Variants in NBEAL1 observed in about 807,000 individuals in gnomAD.
NBEAL1 encodes neurobeachin like 1.
In NBEAL1, 273 loss-of-function variants were observed where a neutral mutation model predicts 351.3. The observed-to-expected ratio is 0.78, with a 90% CI of 0.70 to 0.86. The LOEUF (loss-of-function observed/expected upper bound fraction) is 0.86. Among genes scored for constraint, NBEAL1 ranks in the 40% least tolerant of loss-of-function variants. The probability of loss-of-function intolerance (pLI) is 0.00; values close to 1 mark genes in which losing one functional copy is unlikely to be tolerated. For synonymous variants in NBEAL1, 1,050 were observed against 1,086.4 expected (o/e 0.97, Z 0.66); for missense variants, 2,961 against 3,201.3 (o/e 0.92, Z 1.81).
In NBEAL1 at chr2:203,014,927, G is replaced by A. The variant is rs1025598006; in HGVS notation, c.-285G>A. 6.6e-6 allele frequency: 1 copy of A among 152,390 alleles called. No individual in the cohort carries two copies. Among genetic ancestry groups the A allele is most frequent in the Non-Finnish European group, 1.5e-5 (1 of 68,108 alleles). 9.4% of individuals were successfully genotyped at this position (152,390 alleles called of 1,614,324 possible). ...GACACGGGGCTTCGCCTTGGGAAGG[G>A]GTCGAGGGAAGCAGTTAGACGGCTG... On this transcript the variant is annotated 5_prime_UTR_variant, in exon 1 of 56. Coordinates refer to ENST00000683969, the MANE Select transcript of NBEAL1 (RefSeq NM_001378026.1).
In NBEAL1 at chr2:203,144,759, C is replaced by T; in HGVS notation, c.5008C>T (p.Arg1670Cys). 4 of 1,614,142 alleles carry T rather than the reference C, an allele frequency of 2.5e-6. No homozygotes were observed. In the South Asian group the frequency reaches 3.3e-5, roughly 13 times the overall value. The change falls in exon 32 of 56, where the codon CGT becomes TGT. Residue 1670 changes from arginine (R) to cysteine (C), a missense_variant. Arg to Cys is a radical substitution (Grantham distance 180). Coordinates refer to ENST00000683969, the MANE Select transcript of NBEAL1 (RefSeq NM_001378026.1). ...CTACTCATTTCTGATTCCCCTTGTT[C>T]GTACCCTGGTTTCCAAAATTTATGA... ...EIYSFLIPLV[R>C]TLVSKIYELL...
chr2:203,198,512 G>A (rs2105803024), intron 48 of NBEAL1, among the ~76,000 whole-genome samples: 2 of 151,938 alleles, frequency 1.3e-5, no homozygotes, highest in South Asian at 4.2e-4. Flanking sequence ...TCTTCCATCT[G>A]CCAGCTGATA....
chr2:203,113,898 T>C (rs2062630267), intron 17 of NBEAL1, among the ~76,000 whole-genome samples: 1 of 150,030 alleles, frequency 6.7e-6, no homozygotes, highest in Admixed American at 6.7e-5. Flanking sequence ...CCCGGCTCAC[T>C]GCAAGCTCCG....
chr2:203,113,702 A>G (rs1472478435), intron 17 of NBEAL1, among the ~76,000 whole-genome samples: 1 of 151,534 alleles, frequency 6.6e-6, no homozygotes, highest in Non-Finnish European at 1.5e-5. Context: ...TCAGGCTCTC[A>G]CTTCTATATA....
intron 38 of NBEAL1, among the ~76,000 whole-genome samples, chr2:203,167,930 G>A (rs780616447): frequency 4.6e-5 from 7 of 152,016 alleles, no homozygotes; most frequent in Non-Finnish European, 7.4e-5. Context: ...ATTTTCTCTC[G>A]TAGGCGTCTC....
At chr2:203,168,840 G>C (rs958707095) in intron 38 of NBEAL1, among the ~76,000 whole-genome samples, 1 of 135,472 alleles carries the variant, frequency 7.4e-6, no homozygotes, top group Non-Finnish European at 1.5e-5. Context: ...GTTACAGTGA[G>C]CCGAGATCAC....
At chr2:203,077,718 C>CTTAT (rs746378979) in intron 7 of NBEAL1, 34 bp from the exon 8 acceptor site, 263 of 1,141,868 alleles carry the variant, frequency 2.3e-4, no homozygotes, top group African/African-American at 3.7e-4. Flanking sequence ...AAAGACAAAT[C>CTTAT]TTATTTATTT....
At chr2:203,038,269 A>G (rs1262832821) in intron 2 of NBEAL1, among the ~76,000 whole-genome samples, 2 of 148,994 alleles carry the variant, frequency 1.3e-5, no homozygotes, top group African/African-American at 4.9e-5. Flanking sequence ...GCTGTTTGAT[A>G]TGTGTATATT....
intron 6 of NBEAL1, among the ~76,000 whole-genome samples, chr2:203,059,198 G>A (rs1011048816): frequency 1.3e-5 from 2 of 152,110 alleles, no homozygotes; most frequent in African/African-American, 4.8e-5. Context: ...AACACCTTTT[G>A]TATGTTCTAT....
intron 18 of NBEAL1, among the ~76,000 whole-genome samples, chr2:203,121,931 GCCCAC>G (rs2062840806): frequency 6.6e-6 from 1 of 151,732 alleles, no homozygotes; most frequent in African/African-American, 2.4e-5. Context: ...GATTACAGGT[GCCCAC>G]CACCACACCC....
At chr2:203,201,787 C>A in intron 50 of NBEAL1, 72 bp downstream of exon 50, 2 of 1,278,494 alleles carry the variant, frequency 1.6e-6, no homozygotes, top group Non-Finnish European at 2.1e-6. Flanking sequence ...GTAGTACGTG[C>A]TCTTTGTAAA....
chr2:203,020,384 A>G (rs2060748873), intron 2 of NBEAL1, among the ~76,000 whole-genome samples: 1 of 152,198 alleles, frequency 6.6e-6, no homozygotes, highest in Non-Finnish European at 1.5e-5. Flanking sequence ...TTCAAGTTGT[A>G]TAGTCTGAAC....
intron 51 of NBEAL1, among the ~76,000 whole-genome samples, chr2:203,207,763 A>G (rs1315101920): frequency 6.6e-6 from 1 of 152,252 alleles, no homozygotes; most frequent in Non-Finnish European, 1.5e-5. Flanking sequence ...GTACCCAGGG[A>G]CACAAACACT....
intron 27 of NBEAL1, 136 bp downstream of exon 27, chr2:203,133,282 C>G (rs2063117506): frequency 2.3e-6 from 1 of 434,152 alleles, no homozygotes; most frequent in African/African-American, 2.1e-5. Context: ...AAACAATTTT[C>G]TTTTTGAAGT....
At chr2:203,154,790 T>C (rs1005129223) in intron 35 of NBEAL1, among the ~76,000 whole-genome samples, 1 of 151,910 alleles carries the variant, frequency 6.6e-6, no homozygotes, top group South Asian at 2.1e-4. Flanking sequence ...CTACAAAAAA[T>C]ACGATTTTTT....
Position 203,220,960 on chromosome 2 carries a change from G to A in NBEAL1, c.*3606G>A, listed in dbSNP as rs920885905. Among the ~76,000 whole-genome samples the A allele has an allele frequency of 6.6e-6, 1 of 152,112 alleles. No individual in the cohort carries two copies. The highest frequency in any genetic ancestry group is 1.5e-5 in the Non-Finnish European group (1 of 68,012). ...AAGTGTTCATTCTGTCATTAGCAAG[G>A]AACACCAATGAGGTTTCTTTTTTTT... On this transcript the variant is annotated 3_prime_UTR_variant, in exon 56 of 56. Transcript: ENST00000683969.
At chr2:203,173,736 TA>T (rs2064395546) in intron 41 of NBEAL1, among the ~76,000 whole-genome samples, 2 of 152,110 alleles carry the variant, frequency 1.3e-5, no homozygotes, top group African/African-American at 4.8e-5. Flanking sequence ...AACACTCATA[TA>T]AATAACTTAT....
chr2:203,089,251 C>T (rs746705017), intron 10 of NBEAL1, among the ~76,000 whole-genome samples: 6 of 151,486 alleles, frequency 4.0e-5, no homozygotes, highest in Non-Finnish European at 7.4e-5. Flanking sequence ...CCCAGCTATT[C>T]GGGAGGCTGA....
intron 48 of NBEAL1, among the ~76,000 whole-genome samples, chr2:203,198,015 C>CTT (rs2065286831): frequency 7.6e-6 from 1 of 131,396 alleles, no homozygotes; most frequent in South Asian, 2.5e-4. Flanking sequence ...ATTTTTTTTT[C>CTT]TTTTCTTTTT....
Sources: gnomAD v4.1 joint callset for allele counts (sites outside exome capture counted in the v4.1 genomes callset) on GRCh38, gnomAD v4.1.1 for gene constraint, MANE v1.5 for transcripts, NCBI Gene and HGNC (gene_info 2026-07-23, HGNC 2026-07-21) for gene names.